The following RUNDC3B variants were observed in gnomAD, a reference collection of about 807,000 sequenced individuals.
RUNDC3B encodes the protein RUN domain containing 3B.
Under a neutral mutation model 58.4 loss-of-function variants are expected in RUNDC3B, and 33 were observed. The ratio of observed to expected loss-of-function variants is 0.56; its 90% confidence interval spans 0.43 to 0.75. RUNDC3B has a LOEUF of 0.75. Among genes scored for constraint, RUNDC3B ranks in the 30% least tolerant of loss-of-function variants. The pLI, the probability that RUNDC3B is intolerant of heterozygous loss-of-function variation, is 0.00. For synonymous variants in RUNDC3B, 193 were observed against 195.2 expected, an observed-to-expected ratio of 0.99 and a Z score of 0.10; for missense variants, 501 against 535.7, an observed-to-expected ratio of 0.94 and a Z score of 0.64.
chr7:87,682,274 G>A (rs774889750), intron 2 of RUNDC3B, among the ~76,000 whole-genome samples: 3 of 152,078 alleles, frequency 2.0e-5, no homozygotes, highest in Non-Finnish European at 4.4e-5. Flanking sequence ...CATGAGAGTT[G>A]GAATCAACTT....
In RUNDC3B at chr7:87,821,779, C is replaced by A. The variant is rs371551892; in HGVS notation, c.1225+5517C>A. ...GATCTTTGACAAACCTGACAAAAAC[C>A]AGCAATGGGGAAAGGATTCCCTATT... On this transcript the variant is annotated intron_variant, in intron 10 of 10. Transcript: ENST00000394654. Among the ~76,000 whole-genome samples, 12 of 151,960 alleles carry A rather than the reference C, an allele frequency of 7.9e-5. No individual in the cohort carries two copies. The South Asian group carries it at 1.3e-3, about 16-fold the overall frequency.
intron 8 of RUNDC3B, among the ~76,000 whole-genome samples, chr7:87,800,108 AT>A (rs1240363478): frequency 1.3e-5 from 2 of 152,162 alleles, no homozygotes; most frequent in Non-Finnish European, 2.9e-5. Flanking sequence ...GCATTGGAAT[AT>A]TTGGAACCAC....
chr7:87,682,742 T>C (rs1226752252), intron 2 of RUNDC3B, among the ~76,000 whole-genome samples: 1 of 152,222 alleles, frequency 6.6e-6, no homozygotes, highest in African/African-American at 2.4e-5. Flanking sequence ...AGAGTAGATT[T>C]AGCATAATTC....
At chr7:87,750,529 C>G (rs1396163241) in intron 6 of RUNDC3B, among the ~76,000 whole-genome samples, 2 of 152,178 alleles carry the variant, frequency 1.3e-5, no homozygotes, top group South Asian at 4.1e-4. Flanking sequence ...TCCACATCCT[C>G]TCCAGCGCCT....
At chr7:87,719,990 CAAAAAAA>C (rs11363135) in intron 4 of RUNDC3B, among the ~76,000 whole-genome samples, 5 of 112,260 alleles carry the variant, frequency 4.5e-5, no homozygotes, top group Admixed American at 8.7e-5. Flanking sequence ...TGACTACATC[CAAAAAAA>C]AAAAAAAAAG....
At chr7:87,672,950 C>G (rs1825978005) in intron 2 of RUNDC3B, among the ~76,000 whole-genome samples, 1 of 152,138 alleles carries the variant, frequency 6.6e-6, no homozygotes, top group African/African-American at 2.4e-5. Flanking sequence ...ACTTGTCTTT[C>G]TCTATGAGAG....
intron 4 of RUNDC3B, among the ~76,000 whole-genome samples, chr7:87,719,090 G>T (rs1332853033): frequency 1.3e-5 from 2 of 151,538 alleles, no homozygotes; most frequent in African/African-American, 4.8e-5. Context: ...CATAACACAG[G>T]TAACACAGGT....
At chr7:87,776,475 A>G (rs1287630844) in intron 7 of RUNDC3B, among the ~76,000 whole-genome samples, 1 of 152,140 alleles carries the variant, frequency 6.6e-6, no homozygotes, top group Non-Finnish European at 1.5e-5. Context: ...GTATTGTTTA[A>G]GATGACACAT....
intron 2 of RUNDC3B, among the ~76,000 whole-genome samples, chr7:87,699,511 C>T (rs755838662): frequency 6.6e-6 from 1 of 152,138 alleles, no homozygotes; most frequent in South Asian, 2.1e-4. Flanking sequence ...TCAAGTGATC[C>T]TCCTGCCTCA....
At chr7:87,715,535 TATATA>T (rs1235585236) in intron 4 of RUNDC3B, among the ~76,000 whole-genome samples, 2 of 137,278 alleles carry the variant, frequency 1.5e-5, no homozygotes, top group Admixed American at 8.0e-5. Flanking sequence ...TAACATTTAA[TATATA>T]ATATATTAAT....
Position 87,807,484 on chromosome 7 carries a change from G to A in RUNDC3B, c.1068G>A (p.Thr356=). 3.1e-6 allele frequency: 5 copies of A among 1,613,630 alleles called. No homozygotes were observed. The highest frequency in any genetic ancestry group is 4.2e-6 in the Non-Finnish European group (5 of 1,179,626). The change falls in exon 9 of 11, where the codon ACG becomes ACA. Residue 356 remains threonine, a synonymous_variant. Transcript: ENST00000394654. ...ATGTCAATGCTGTTGCCTTGGATAC[G>A]TTGCTTTACCGAAAACACAATAAAC... ...ALDVNAVALD[T]LLYRKHNKQW...
At chr7:87,769,528 G>A (rs1467163625) in intron 6 of RUNDC3B, among the ~76,000 whole-genome samples, 1 of 151,984 alleles carries the variant, frequency 6.6e-6, no homozygotes, top group Non-Finnish European at 1.5e-5. Flanking sequence ...TACTCTCAAG[G>A]TAATACAGAC....
intron 2 of RUNDC3B, among the ~76,000 whole-genome samples, chr7:87,658,988 C>A (rs1483508336): frequency 1.3e-5 from 2 of 152,086 alleles, no homozygotes; most frequent in African/African-American, 4.8e-5. Flanking sequence ...CCTGTCTCTA[C>A]AAAATATACA....
intron 6 of RUNDC3B, among the ~76,000 whole-genome samples, chr7:87,764,739 T>C (rs1359086393): frequency 6.6e-6 from 1 of 151,966 alleles, no homozygotes; most frequent in Admixed American, 6.6e-5. Context: ...CATTCTTCTT[T>C]ATGGCTAAAT....
chr7:87,793,639 T>TA (rs1408916078), intron 8 of RUNDC3B, among the ~76,000 whole-genome samples: 1 of 152,028 alleles, frequency 6.6e-6, no homozygotes, highest in Non-Finnish European at 1.5e-5. Context: ...CTTCATGATT[T>TA]AAAAAAACAC....
intron 2 of RUNDC3B, among the ~76,000 whole-genome samples, chr7:87,676,282 A>G (rs1163441042): frequency 6.6e-6 from 1 of 152,216 alleles, no homozygotes; most frequent in East Asian, 1.9e-4. Flanking sequence ...AACAATCCAC[A>G]AAATGAAAAG....
At chr7:87,725,061 C>G (rs1458567106) in intron 4 of RUNDC3B, among the ~76,000 whole-genome samples, 2 of 151,958 alleles carry the variant, frequency 1.3e-5, no homozygotes, top group Non-Finnish European at 2.9e-5. Flanking sequence ...TTTATAAGCC[C>G]TTGAAGTAAA....
intron 6 of RUNDC3B, among the ~76,000 whole-genome samples, chr7:87,758,870 A>C (rs1372279102): frequency 6.6e-6 from 1 of 152,194 alleles, no homozygotes; most frequent in Admixed American, 6.5e-5. Flanking sequence ...ACCCTTTTAC[A>C]CTGCTGGTGG....
intron 2 of RUNDC3B, among the ~76,000 whole-genome samples, chr7:87,675,005 T>C (rs1826184375): frequency 6.6e-6 from 1 of 152,210 alleles, no homozygotes; most frequent in Admixed American, 6.5e-5. Context: ...CCTACAGCCT[T>C]TTCAGGCATC....
Sources: allele counts gnomAD v4.1 joint callset (sites outside exome capture counted in the v4.1 genomes callset), GRCh38; gene constraint gnomAD v4.1.1; transcripts MANE v1.5; gene names NCBI Gene and HGNC (gene_info 2026-07-23, HGNC 2026-07-21).